Variants in MTUS1 observed in about 807,000 individuals in gnomAD.
The protein encoded by MTUS1 is microtubule associated scaffold protein 1, also known as microtubule-associated tumor suppressor 1.
In MTUS1, 109 loss-of-function variants were observed where a neutral mutation model predicts 120.8. The ratio of observed to expected loss-of-function variants is 0.90; its 90% CI spans 0.77 to 1.06. The LOEUF (loss-of-function observed/expected upper bound fraction) is 1.06. Ranked by LOEUF, MTUS1 falls within the 50% of genes least tolerant of loss-of-function variation. The probability of loss-of-function intolerance (pLI) is 0.00; values close to 1 mark genes in which losing one functional copy is unlikely to be tolerated. For missense variants in MTUS1, 2,210 were observed against 1,486.3 expected (o/e 1.49, Z -8.01); for synonymous variants, 737 against 550.5 (o/e 1.34, Z -4.74).
chr8:17,740,173 A>G (rs1489008788), intron 3 of MTUS1, among the ~76,000 whole-genome samples: 4 of 151,518 alleles, frequency 2.6e-5, no homozygotes, highest in Non-Finnish European at 5.9e-5. Context: ...GCACCATTGC[A>G]CTCCAGCCTG....
chr8:17,775,714 G>GAATAAATT (rs1425080047), intron 1 of MTUS1, among the ~76,000 whole-genome samples: 1 of 152,208 alleles, frequency 6.6e-6, no homozygotes, highest in Non-Finnish European at 1.5e-5. Context: ...TAGCTGTTTA[G>GAATAAATT]AATAAATTAC....
chr8:17,800,248 C>T (rs965516975), intron 1 of MTUS1, among the ~76,000 whole-genome samples: 3 of 152,146 alleles, frequency 2.0e-5, no homozygotes, highest in African/African-American at 4.8e-5. Flanking sequence ...CACCCTCCAG[C>T]CCCAGCGCTG....
intron 2 of MTUS1, among the ~76,000 whole-genome samples, chr8:17,747,015 C>T (rs1388186210): frequency 6.6e-6 from 1 of 152,228 alleles, no homozygotes; most frequent in African/African-American, 2.4e-5. Flanking sequence ...ACGATGTCCA[C>T]AGGATCTTTC....
chr8:17,650,086 C>G (rs1806666011), intron 12 of MTUS1, 124 bp from the exon 13 acceptor site: 4 of 704,892 alleles, frequency 5.7e-6, no homozygotes, highest in Non-Finnish European at 1.0e-5. Flanking sequence ...CATCTTAGAG[C>G]AATTTCAAAG....
intron 8 of MTUS1, among the ~76,000 whole-genome samples, chr8:17,660,907 C>A (rs1298158526): frequency 6.6e-6 from 1 of 152,120 alleles, no homozygotes; most frequent in African/African-American, 2.4e-5. Context: ...GAAGATAGAA[C>A]CCAAAAAGAC....
chr8:17,791,868 G>A (rs1050604704), intron 1 of MTUS1, among the ~76,000 whole-genome samples: 16 of 152,182 alleles, frequency 1.1e-4, no homozygotes, highest in Non-Finnish European at 2.1e-4. Flanking sequence ...TAGAGACTAA[G>A]GAAGGTTATT....
At chr8:17,685,192 C>G (rs539644870) in intron 6 of MTUS1, among the ~76,000 whole-genome samples, 93 of 151,810 alleles carry the variant, frequency 6.1e-4, no homozygotes, top group Non-Finnish European at 1.1e-3. Flanking sequence ...GTCTTTTTTC[C>G]CAAGTAGTAA....
At chr8:17,719,798 A>G (rs573490542) in intron 4 of MTUS1, among the ~76,000 whole-genome samples, 2 of 152,314 alleles carry the variant, frequency 1.3e-5, no homozygotes, top group East Asian at 3.9e-4. Context: ...AAGAAAAAAA[A>G]CAAAAAACAA....
At chr8:17,777,761 C>G (rs1007080094) in intron 1 of MTUS1, among the ~76,000 whole-genome samples, 6 of 152,144 alleles carry the variant, frequency 3.9e-5, no homozygotes, top group Non-Finnish European at 5.9e-5. Context: ...CATTAAGAGT[C>G]TCAAGAAAAC....
chr8:17,750,727 G>A (rs1292229248), intron 2 of MTUS1, among the ~76,000 whole-genome samples: 1 of 152,130 alleles, frequency 6.6e-6, no homozygotes, highest in East Asian at 1.9e-4. Flanking sequence ...TATAACTAAG[G>A]CACCTGAGCA....
chr8:17,733,666 T>C (rs1350662151), intron 3 of MTUS1, among the ~76,000 whole-genome samples: 1 of 152,190 alleles, frequency 6.6e-6, no homozygotes, highest in Non-Finnish European at 1.5e-5. Flanking sequence ...CAAGAGGCTC[T>C]AGGTCAGCCT....
chr8:17,766,199 A>G (rs1237535120), intron 1 of MTUS1, among the ~76,000 whole-genome samples: 2 of 152,224 alleles, frequency 1.3e-5, no homozygotes, highest in African/African-American at 2.4e-5. Flanking sequence ...CGGTATTAGC[A>G]AAAACAAGTC....
At chr8:17,721,470 T>C (rs750017099) in intron 4 of MTUS1, among the ~76,000 whole-genome samples, 1 of 152,192 alleles carries the variant, frequency 6.6e-6, no homozygotes, top group Non-Finnish European at 1.5e-5. Flanking sequence ...TAATTTCATG[T>C]GCCAGAACAT....
chr8:17,721,638 G>C (rs1207795475), intron 4 of MTUS1: 17 of 1,467,670 alleles, frequency 1.2e-5, no homozygotes, highest in Admixed American at 2.4e-5. Flanking sequence ...GAAGTCAAGA[G>C]ATCCTAAATC....
At chr8:17,796,923 C>A (rs2052287513) in intron 1 of MTUS1, among the ~76,000 whole-genome samples, 1 of 152,114 alleles carries the variant, frequency 6.6e-6, no homozygotes, top group Non-Finnish European at 1.5e-5. Context: ...ACCAAGTTGG[C>A]CAACATGGTG....
intron 1 of MTUS1, among the ~76,000 whole-genome samples, chr8:17,797,473 C>T (rs1196476455): frequency 6.6e-6 from 1 of 152,146 alleles, no homozygotes; most frequent in Non-Finnish European, 1.5e-5. Context: ...TCAAATTCAA[C>T]TCCTGGTTAT....
At chr8:17,654,414 A>G (rs1807741708) in intron 10 of MTUS1, 147 bp downstream of exon 10, 1 of 621,374 alleles carries the variant, frequency 1.6e-6, no homozygotes, top group African/African-American at 1.8e-5. Context: ...TTAACAATAA[A>G]CCACGCAAAA....
chr8:17,671,625 T>C (rs1812041508), intron 8 of MTUS1, among the ~76,000 whole-genome samples: 1 of 152,242 alleles, frequency 6.6e-6, no homozygotes, highest in Non-Finnish European at 1.5e-5. Flanking sequence ...CTGGGACAGC[T>C]GGAGGCTGTT....
At chr8:17,742,855 A>G (rs2047444347) in intron 3 of MTUS1, among the ~76,000 whole-genome samples, 1 of 152,190 alleles carries the variant, frequency 6.6e-6, no homozygotes, top group Non-Finnish European at 1.5e-5. Flanking sequence ...GTATAAGGGA[A>G]CTTACTACTA....
Sources: allele counts gnomAD v4.1 joint callset (sites outside exome capture counted in the v4.1 genomes callset), GRCh38; gene constraint gnomAD v4.1.1; transcripts MANE v1.5; gene names NCBI Gene and HGNC (gene_info 2026-07-23, HGNC 2026-07-21).